PRDM1: variants seen among roughly 807,000 people sequenced by gnomAD.
The protein encoded by PRDM1 is PR domain zinc finger protein 1.
In PRDM1, 13 loss-of-function variants were observed where a neutral mutation model predicts 62.8. That is an observed-to-expected ratio of 0.21 (90% CI 0.13 to 0.33). PRDM1 has a LOEUF of 0.33. Ranked by LOEUF, PRDM1 falls within the 10% of genes least tolerant of loss-of-function variation. The pLI, the probability that PRDM1 is intolerant of heterozygous loss-of-function variation, is 1.00. For synonymous variants in PRDM1, 396 were observed against 417.6 expected (o/e 0.95, Z 0.63); for missense variants, 895 against 1,058.8 (o/e 0.85, Z 2.15).
chr6:106,053,561 TA>T (rs1390578189), intron 1 of PRDM1, among the ~76,000 whole-genome samples: 1 of 152,198 alleles, frequency 6.6e-6, no homozygotes, highest in Non-Finnish European at 1.5e-5. Context: ...TTATGTATTC[TA>T]ATAGAATACA....
At position 106,107,377 on chromosome 6, in the gene PRDM1, G is replaced by T. The variant is rs777152627; in HGVS notation, c.2369G>T (p.Ser790Ile). 2.5e-6 allele frequency: 4 copies of T among 1,614,116 alleles called. No individual in the cohort carries two copies. The highest frequency in any genetic ancestry group is 2.5e-6 in the Non-Finnish European group (3 of 1,180,016). Residue 790 changes from serine (S) to isoleucine (I), a missense_variant, in exon 7 of 7, where the codon AGC becomes ATC. Ser to Ile is a moderately radical substitution (Grantham distance 142). Around this residue, in one of 4 missense-constraint regions of PRDM1, gnomAD observed 164 missense variants for 179.9 expected, o/e 0.91. Coordinates refer to ENST00000369096, the MANE Select transcript of PRDM1 (RefSeq NM_001198.4). ...MGNGLLSSGC[S>I]LYESSDLPLM... ...AATGGACTCCTCTCCTCAGGGTGCA[G>T]CCTTTATGAGTCATCAGATCTACCC...
chr6:106,098,104 C>T lies in PRDM1; in HGVS notation c.412-1196C>T, dbSNP rs116327354. Reference sequence around the variant, plus strand: ...GAAACTATCTGTAGACTAGCATAGTCGGTACGTGAGTAAGGAAAAGCAATA... The same window carrying T: ...GAAACTATCTGTAGACTAGCATAGTTGGTACGTGAGTAAGGAAAAGCAATA... On this transcript the variant is annotated intron_variant, in intron 3 of 6. Transcript: ENST00000369096. The T allele has an allele frequency of 9.4e-4, 562 of 599,748 alleles. 3 individuals are homozygous for T. The African/African-American group carries it at 1.0e-2, about 11-fold the overall frequency. 37.2% of individuals were successfully genotyped at this position (599,748 alleles called of 1,614,324 possible). A position where few individuals can be genotyped will look rare whatever the true frequency, so the allele number is the denominator to read the frequency against.
At chr6:105,998,906 TATATATATATATATATATATATATA>T (rs1335122157) in intron 1 of PRDM1, among the ~76,000 whole-genome samples, 31 of 5,954 alleles carry the variant, frequency 5.2e-3, no homozygotes, top group African/African-American at 0.022. Context: ...TATATATATA[TATATATATATATATATATATATATA>T]TATTTTTTTT....
At chr6:106,023,473 C>T (rs76840495) in intron 1 of PRDM1, among the ~76,000 whole-genome samples, 3 of 149,564 alleles carry the variant, frequency 2.0e-5, no homozygotes, top group Non-Finnish European at 4.5e-5. Flanking sequence ...GACTCTGTCT[C>T]AAAAAAAAAA....
chr6:106,097,593 A>G lies in PRDM1; in HGVS notation c.412-1707A>G, dbSNP rs182166600. ...CTGTACTATGAATCAGCGCATTTTAATCTTCTAGATAATATATGGAAGTGC... is the reference window on the plus strand; with the variant it reads ...CTGTACTATGAATCAGCGCATTTTAGTCTTCTAGATAATATATGGAAGTGC... On this transcript the variant is annotated intron_variant, in intron 3 of 6. Coordinates refer to ENST00000369096, the MANE Select transcript of PRDM1 (RefSeq NM_001198.4). 6.6e-5 allele frequency among the ~76,000 whole-genome samples: 10 copies of G among 152,340 alleles called. No individual in the cohort carries two copies. The East Asian group carries it at 1.9e-3, about 29-fold the overall frequency.
At chr6:106,051,336 C>A (rs1243128006) in intron 1 of PRDM1, among the ~76,000 whole-genome samples, 2 of 152,200 alleles carry the variant, frequency 1.3e-5, no homozygotes, top group Admixed American at 6.5e-5. Flanking sequence ...CCCCGCAGAC[C>A]CAGTCTTAGG....
intron 1 of PRDM1, among the ~76,000 whole-genome samples, chr6:106,072,465 C>G (rs561851281): frequency 6.6e-6 from 1 of 152,214 alleles, no homozygotes; most frequent in Non-Finnish European, 1.5e-5. Flanking sequence ...CCAAGCACAA[C>G]TCTTCTATTT....
chr6:106,009,074 G>A (rs933550817), intron 1 of PRDM1, among the ~76,000 whole-genome samples: 5 of 152,130 alleles, frequency 3.3e-5, no homozygotes, highest in Admixed American at 2.6e-4. Context: ...CTACCCTTTC[G>A]CTCACGCCCC....
chr6:106,011,058 A>C (rs1772539282), intron 1 of PRDM1, among the ~76,000 whole-genome samples: 1 of 152,130 alleles, frequency 6.6e-6, no homozygotes, highest in Non-Finnish European at 1.5e-5. Flanking sequence ...TGCACCGTTA[A>C]TCCCCATAGG....
chr6:106,073,772 G>A (rs565948433), intron 1 of PRDM1, among the ~76,000 whole-genome samples: 3 of 152,298 alleles, frequency 2.0e-5, no homozygotes, highest in African/African-American at 7.2e-5. Context: ...CTATAGTATT[G>A]ACACAAATGC....
At chr6:106,046,939 T>C (rs1773087334), upstream of PRDM1, 1 of 152,254 alleles carries the variant, frequency 6.6e-6, no homozygotes, top group African/African-American at 2.4e-5. Context: ...ACATTTCTCT[T>C]AATAACAGTT....
chr6:106,107,442 C>A lies in PRDM1; in HGVS notation c.2434C>A (p.Pro812Thr), dbSNP rs1222290391. ...TCCCAGCAACCCACTACCTCTGGTA[C>A]CTGTAAAGGTCAAACAAGAAACAGT... ...LPPSNPLPLVPVKVKQETVEP... is the reference protein window; with the variant it reads ...LPPSNPLPLVTVKVKQETVEP... Residue 812 changes from proline (P) to threonine (T), a missense_variant, in exon 7 of 7, where the codon CCT becomes ACT. By Grantham distance (38) the Pro-to-Thr change is conservative (BLOSUM62 -1). Coordinates refer to ENST00000369096, the MANE Select transcript of PRDM1 (RefSeq NM_001198.4). 6.2e-7 allele frequency: 1 copy of A among 1,613,112 alleles called. No homozygotes were observed. The highest frequency in any genetic ancestry group is 8.5e-7 in the Non-Finnish European group (1 of 1,179,680).
At chr6:106,098,362 C>T in intron 3 of PRDM1, 1 of 985,306 alleles carries the variant, frequency 1.0e-6, no homozygotes, top group Non-Finnish European at 1.2e-6. Flanking sequence ...TTTTCTTCTT[C>T]CTCTGCCTCT....
Position 106,105,302 on chromosome 6 carries a change from A to G in PRDM1, c.1142A>G (p.Tyr381Cys), listed in dbSNP as rs139539400. 9.3e-6 allele frequency: 15 copies of G among 1,613,258 alleles called. No homozygotes were observed. The highest frequency in any genetic ancestry group is 8.3e-5 in the Admixed American group (5 of 59,960). The change falls in exon 5 of 7, where the codon TAC becomes TGC. Residue 381 changes from tyrosine (Y) to cysteine (C), a missense_variant. This residue lies in a region of PRDM1 where 444 missense variants were observed against 422.7 expected (regional missense o/e 1.05). Coordinates refer to ENST00000369096, the MANE Select transcript of PRDM1 (RefSeq NM_001198.4). ...RDSYAYLNASYGTEGLGSYPG... is the reference protein window; with the variant it reads ...RDSYAYLNASCGTEGLGSYPG... ...TCCTACGCTTACTTGAACGCGTCCT[A>G]CGGCACGGAAGGTTTGGGCTCCTAC... is the stretch of plus-strand genomic sequence containing the variant.
In PRDM1 at chr6:106,105,622, C is replaced by T. The variant is rs1313789911; in HGVS notation, c.1462C>T (p.Leu488Phe). The T allele has an allele frequency of 1.2e-6, 2 of 1,613,398 alleles. No individual in the cohort carries two copies. Among genetic ancestry groups the T allele is most frequent in the East Asian group, 4.5e-5 (2 of 44,836 alleles). Residue 488 changes from leucine to phenylalanine, a missense_variant, in exon 5 of 7, where the codon CTT becomes TTT. Around this residue, in one of 4 missense-constraint regions of PRDM1, gnomAD observed 444 missense variants for 422.7 expected, o/e 1.05. Transcript: ENST00000369096. The part of the protein sequence containing the change: ...LLQPEHPREV[L>F]VPAPHSAFSF... The stretch of plus-strand genomic sequence containing the variant: ...CCAGCCGGAGCATCCCAGGGAGGTG[C>T]TTGTCCCGGCGCCCCACAGTGCCTT...
rs374502041 is a variant in PRDM1, at chr6:106,103,753, C to G, written c.665-1072C>G. Reference sequence around the variant, plus strand: ...GTATCTTTACCAAGTAATAACGTGCCGTCTTTGGGAATAAGTGCTTTCCTC... The same window carrying G: ...GTATCTTTACCAAGTAATAACGTGCGGTCTTTGGGAATAAGTGCTTTCCTC... On this transcript the variant is annotated intron_variant, in intron 4 of 6. Coordinates refer to ENST00000369096, the MANE Select transcript of PRDM1 (RefSeq NM_001198.4). Among the ~76,000 whole-genome samples the G allele has an allele frequency of 4.6e-5, 7 of 152,106 alleles. No homozygotes were observed. The East Asian group carries it at 7.7e-4, about 17-fold the overall frequency.
intron 2 of PRDM1, 54 bp from the exon 3 acceptor site, chr6:106,095,561 T>C (rs1374959448): frequency 5.7e-6 from 9 of 1,583,648 alleles, no homozygotes; most frequent in South Asian, 4.5e-5. Flanking sequence ...ATTGAAAAGA[T>C]TGGTTAACAT....
At chr6:106,044,536 G>A (rs1414512601), upstream of PRDM1, among the ~76,000 whole-genome samples, 5 of 152,160 alleles carry the variant, frequency 3.3e-5, no homozygotes, top group South Asian at 2.1e-4. Flanking sequence ...GCCTCAAATC[G>A]TATCACCTCT....
In PRDM1 at chr6:106,106,343, A is replaced by G; in HGVS notation, c.1774-28A>G. ...TAGGTCTCAGAGCCAGCTTGAGAGC[A>G]GAGCTAACACATGTGGCTTCTTCCC... On this transcript the variant is annotated intron_variant, in intron 5 of 6. Transcript: ENST00000369096. This position sits in a 1 kb window ranked among gnomAD's most constrained non-coding sequence, Gnocchi z 4.4. 1 of 1,611,806 alleles carries G rather than the reference A, an allele frequency of 6.2e-7. No individual in the cohort carries two copies. The highest frequency in any genetic ancestry group is 8.5e-7 in the Non-Finnish European group (1 of 1,178,368).
Sources: allele counts gnomAD v4.1 joint callset (sites outside exome capture counted in the v4.1 genomes callset), GRCh38; gene constraint gnomAD v4.1.1; regional missense constraint gnomAD v4.1.1; non-coding constraint Gnocchi (gnomAD v3.1); transcripts MANE v1.5; gene names NCBI Gene and HGNC (gene_info 2026-07-23, HGNC 2026-07-21).